Variants in ATXN8OS observed in about 807,000 individuals in gnomAD.
ATXN8OS encodes ATXN8 opposite strand lncRNA.
exon 1 of ATXN8OS, chr13:70,107,872 C>A: frequency 1.6e-5 from 9 of 560,868 alleles, no homozygotes; most frequent in Non-Finnish European, 1.8e-5. Context: ...AAGGCTGGAG[C>A]GCAGACGGCA....
chr13:70,140,597 C>G (rs1158434769), intron 3 of ATXN8OS, among the ~76,000 whole-genome samples: 1 of 150,982 alleles, frequency 6.6e-6, no homozygotes, highest in Non-Finnish European at 1.5e-5. Context: ...TGGTTCATAG[C>G]TATGATAACA....
Position 70,167,502 on chromosome 13 carries a change from G to A in ATXN8OS, n.574-2251G>A, listed in dbSNP as rs551615780. ...AGGAAGGGGAACATCACACTCTGGG[G>A]ACTGTTGTGGTGTGGGGGGAGGGAG... On this transcript the variant is annotated intron_variant and non_coding_transcript_variant, in intron 4 of 4. Transcript: ENST00000678624. Among the ~76,000 whole-genome samples the A allele has an allele frequency of 3.2e-4, 48 of 152,002 alleles. No homozygotes were observed. In the East Asian group the frequency reaches 8.8e-3, roughly 28 times the overall value.
intron 3 of ATXN8OS, among the ~76,000 whole-genome samples, chr13:70,141,791 A>G (rs1566608615): frequency 6.6e-6 from 1 of 152,066 alleles, no homozygotes; most frequent in Non-Finnish European, 1.5e-5. Context: ...AATATTACTT[A>G]TACTATATTA....
At chr13:70,116,555 A>G (rs1285272745) in intron 2 of ATXN8OS, among the ~76,000 whole-genome samples, 3 of 152,164 alleles carry the variant, frequency 2.0e-5, no homozygotes, top group African/African-American at 7.2e-5. Context: ...ATTGGAGTTC[A>G]AGGAGGCAGC....
At chr13:70,107,573 T>C (rs1016613270), upstream of ATXN8OS, 2 of 1,606,110 alleles carry the variant, frequency 1.2e-6, no homozygotes, top group African/African-American at 2.7e-5. Context: ...AAGCTGCCAC[T>C]GCCGTCCTGT....
At chr13:70,128,096 T>C (rs1888470604) in intron 2 of ATXN8OS, among the ~76,000 whole-genome samples, 1 of 152,238 alleles carries the variant, frequency 6.6e-6, no homozygotes, top group East Asian at 1.9e-4. Context: ...AAACAGTTTA[T>C]AGAAGGTTTA....
chr13:70,129,577 A>G (rs1419836170), intron 2 of ATXN8OS, among the ~76,000 whole-genome samples: 1 of 152,150 alleles, frequency 6.6e-6, no homozygotes, highest in African/African-American at 2.4e-5. Context: ...AATTATACCT[A>G]ACTTTTAAAA....
intron 2 of ATXN8OS, among the ~76,000 whole-genome samples, chr13:70,122,348 T>C (rs1302399202): frequency 6.6e-6 from 1 of 152,040 alleles, no homozygotes. Context: ...CAAAGTTTTC[T>C]AACACTAAAG....
intron 3 of ATXN8OS, among the ~76,000 whole-genome samples, chr13:70,136,613 C>T (rs550146957): frequency 5.8e-4 from 88 of 152,162 alleles, no homozygotes; most frequent in African/African-American, 2.1e-3. Flanking sequence ...AGACCGCTAG[C>T]AGGAGAACTC....
rs539079110 is a variant in ATXN8OS, at chr13:70,152,439, GTGTA to G, written n.573+5019_573+5022del. Among the ~76,000 whole-genome samples the G allele has an allele frequency of 1.5e-4, 23 of 151,642 alleles. No homozygotes were observed. In the South Asian group the frequency reaches 3.3e-3, roughly 22 times the overall value. ...CATATATACACATATGTACATATAT[GTGTA>G]TGTATGTGTATATGTGTATACATGT... On this transcript the variant is annotated intron_variant and non_coding_transcript_variant, in intron 4 of 4. Coordinates refer to ENST00000678624, the Ensembl canonical transcript of ATXN8OS.
intron 2 of ATXN8OS, among the ~76,000 whole-genome samples, chr13:70,120,138 C>T (rs946702212): frequency 1.3e-5 from 2 of 152,034 alleles, no homozygotes; most frequent in Non-Finnish European, 2.9e-5. Context: ...GTTATTTTAT[C>T]ATTACCATGG....
chr13:70,133,869 A>C (rs761160957), intron 3 of ATXN8OS, among the ~76,000 whole-genome samples: 1 of 152,118 alleles, frequency 6.6e-6, no homozygotes, highest in Non-Finnish European at 1.5e-5. Context: ...GTTTTAAGCC[A>C]CCCACTTTCT....
At chr13:70,170,059 C>T (rs1410611) in exon 5 of ATXN8OS, among the ~76,000 whole-genome samples, 35,811 of 152,020 alleles carry the variant, frequency 0.24, 4,631 homozygotes, top group African/African-American at 0.32. Flanking sequence ...GAGAAAGCAT[C>T]GACTACACTC....
chr13:70,153,376 C>T (rs1048538433), intron 4 of ATXN8OS, among the ~76,000 whole-genome samples: 1 of 151,890 alleles, frequency 6.6e-6, no homozygotes, highest in Non-Finnish European at 1.5e-5. Flanking sequence ...AGTTTGAGAC[C>T]AGTCTGGCCA....
At chr13:70,161,155 GAA>G (rs538185511) in intron 4 of ATXN8OS, among the ~76,000 whole-genome samples, 1 of 146,136 alleles carries the variant, frequency 6.8e-6, no homozygotes, top group South Asian at 2.1e-4. Context: ...TGATTGAATT[GAA>G]AAAAAAAATC....
chr13:70,144,561 T>G (rs973840951), intron 3 of ATXN8OS, among the ~76,000 whole-genome samples: 3 of 152,136 alleles, frequency 2.0e-5, no homozygotes, highest in Admixed American at 6.6e-5. Flanking sequence ...TTCTTTTTGT[T>G]GAGTTTTAAG....
At position 70,118,855 on chromosome 13, in the gene ATXN8OS, A is replaced by G. The variant is rs553128368; in HGVS notation, n.398+3557A>G. Among the ~76,000 whole-genome samples the G allele has an allele frequency of 4.7e-5, 7 of 149,478 alleles. No homozygotes were observed. In the South Asian group the frequency reaches 1.5e-3, roughly 32 times the overall value. On this transcript the variant is annotated intron_variant and non_coding_transcript_variant, in intron 2 of 4. Coordinates refer to ENST00000678624, the Ensembl canonical transcript of ATXN8OS. ...ATATACTTTTTTTTTTTTTTGAGAC[A>G]GAGTTTAGCTCTTGTTGCCCAGGCT...
intron 2 of ATXN8OS, chr13:70,115,397 A>T: frequency 2.5e-6 from 1 of 396,358 alleles, no homozygotes; most frequent in Non-Finnish European, 4.4e-6. Flanking sequence ...CTGTGGCATT[A>T]GGGATTAAGT....
Position 70,160,829 on chromosome 13 carries a change from T to A in ATXN8OS, n.574-8924T>A, listed in dbSNP as rs55748349. 2.7e-3 allele frequency among the ~76,000 whole-genome samples: 37 copies of A among 13,656 alleles called. 15 individuals carry two copies. Among genetic ancestry groups the A allele is most frequent in the Admixed American group, 0.021 (17 of 828 alleles). 9.0% of individuals were successfully genotyped at this position (13,656 alleles called of 152,430 possible). A position where few individuals can be genotyped will look rare whatever the true frequency, so the allele number is the denominator to read the frequency against. ...ATTATAAATATATATAAATATATATTTATATATATAAATATATTTATATTT... is the reference window on the plus strand; with the variant it reads ...ATTATAAATATATATAAATATATATATATATATATAAATATATTTATATTT... On this transcript the variant is annotated intron_variant and non_coding_transcript_variant, in intron 4 of 4. Coordinates refer to ENST00000678624, the Ensembl canonical transcript of ATXN8OS.
Sources: gnomAD v4.1 joint callset for allele counts (sites outside exome capture counted in the v4.1 genomes callset) on GRCh38, gnomAD v4.1.1 for gene constraint, MANE v1.5 for transcripts, NCBI Gene and HGNC (gene_info 2026-07-23, HGNC 2026-07-21) for gene names.